ACOT6: variants seen among roughly 807,000 people sequenced by gnomAD.
ACOT6 encodes the protein acyl-coenzyme A thioesterase 6.
Under a neutral mutation model 12.3 loss-of-function variants are expected in ACOT6, and 14 were observed. The observed-to-expected ratio is 1.14, with a 90% confidence interval of 0.75 to 1.78. The LOEUF (loss-of-function observed/expected upper bound fraction) is 1.78, where lower values mean the gene tolerates loss of function less well. Ranked by LOEUF, ACOT6 falls within the 40% of genes most tolerant of loss-of-function variation. The pLI is 0.00. For synonymous variants in ACOT6, 218 were observed against 231.3 expected (o/e 0.94, Z 0.52); for missense variants, 523 against 551.8 (o/e 0.95, Z 0.52).
upstream of ACOT6, chr14:73,611,431 G>A (rs1446761403): frequency 2.6e-5 from 4 of 152,174 alleles, no homozygotes; most frequent in East Asian, 7.7e-4. Context: ...GTTCTACACC[G>A]AATCTTGTTT....
At chr14:73,611,607 A>C (rs1337313374), upstream of ACOT6, 1 of 152,230 alleles carries the variant, frequency 6.6e-6, no homozygotes, top group Admixed American at 6.5e-5. Flanking sequence ...GGTAAGAAAC[A>C]AAACAAAACT....
chr14:73,611,309 G>A (rs1324292516), upstream of ACOT6, among the ~76,000 whole-genome samples: 1 of 152,158 alleles, frequency 6.6e-6, no homozygotes, highest in Non-Finnish European at 1.5e-5. Flanking sequence ...AAAACAAGAG[G>A]AGAGTCAAGG....
rs1042263583 is a variant in ACOT6, at chr14:73,612,562, C to A, written c.-10C>A. The A allele has an allele frequency of 1.2e-5, 16 of 1,372,648 alleles. No homozygotes were observed. The African/African-American group carries it at 2.4e-4, about 21-fold the overall frequency. 85.0% of individuals were successfully genotyped at this position (1,372,648 alleles called of 1,614,324 possible). A position where few individuals can be genotyped will look rare whatever the true frequency, so the allele number is the denominator to read the frequency against. Reference sequence around the variant, plus strand: ...CGGAGCTGGGTCGCCCCTGTTCTACCCAGATTGGGATGGCAGCGACGCTGA... The same window carrying A: ...CGGAGCTGGGTCGCCCCTGTTCTACACAGATTGGGATGGCAGCGACGCTGA... On this transcript the variant is annotated 5_prime_UTR_variant, in exon 1 of 3. Transcript: ENST00000645972.
At chr14:73,614,918 G>A (rs1478446743) in intron 1 of ACOT6, among the ~76,000 whole-genome samples, 1 of 151,298 alleles carries the variant, frequency 6.6e-6, no homozygotes, top group Non-Finnish European at 1.5e-5. Flanking sequence ...CCAACATGGT[G>A]AAACCCCGTC....
upstream of ACOT6, among the ~76,000 whole-genome samples, chr14:73,611,906 C>T (rs1017642228): frequency 2.6e-5 from 4 of 152,046 alleles, no homozygotes; most frequent in Non-Finnish European, 5.9e-5. Flanking sequence ...CAAGGGGTCA[C>T]CTGAGTACAA....
intron 1 of ACOT6, among the ~76,000 whole-genome samples, chr14:73,615,401 A>AC (rs1427927678): frequency 0.032 from 2,979 of 93,652 alleles, 154 homozygotes; most frequent in South Asian, 0.18. Flanking sequence ...AAAAAAAAAA[A>AC]AAAAAACAAA....
chr14:73,615,430 A>G (rs1595186114), intron 1 of ACOT6, among the ~76,000 whole-genome samples: 2 of 146,000 alleles, frequency 1.4e-5, no homozygotes, highest in African/African-American at 5.2e-5. Context: ...AAAACCAGCA[A>G]CAACGAAAAA....
intron 2 of ACOT6, 106 bp downstream of exon 2, chr14:73,617,298 G>T: frequency 6.8e-7 from 1 of 1,467,340 alleles, no homozygotes; most frequent in East Asian, 2.3e-5. Flanking sequence ...CATGCCAGGA[G>T]ATACCAAGTC....
Position 73,619,798 on chromosome 14 carries a change from C to T in ACOT6, c.1225C>T (p.His409Tyr), listed in dbSNP as rs1412015143. The change falls in exon 3 of 3, where the codon CAT becomes TAT. Residue 409 changes from histidine (H) to tyrosine (Y), a missense_variant. By Grantham distance (83) the His-to-Tyr change is moderately conservative. Around this residue, in one of 2 missense-constraint regions of ACOT6, gnomAD observed 219 missense variants for 277.0 expected, o/e 0.79. Coordinates refer to ENST00000645972, the MANE Select transcript of ACOT6 (RefSeq NM_001365788.1). ...WQQIQTFFHK[H>Y]LNGKKSVKHS... is the part of the protein sequence containing the mutation. ...GCAAATTCAAACTTTCTTCCATAAA[C>T]ATCTCAATGGTAAAAAATCTGTCAA... The T allele has an allele frequency of 3.1e-6, 5 of 1,610,470 alleles. No individual in the cohort carries two copies. Among genetic ancestry groups the T allele is most frequent in the East Asian group, 4.5e-5 (2 of 44,874 alleles).
chr14:73,618,527 T>C (rs1392635786), intron 2 of ACOT6, among the ~76,000 whole-genome samples: 1 of 147,668 alleles, frequency 6.8e-6, no homozygotes, highest in African/African-American at 2.7e-5. Context: ...CTCTCCCCTA[T>C]GTCACTTTCC....
chr14:73,611,041 T>G (rs1890438917), upstream of ACOT6: 1 of 152,242 alleles, frequency 6.6e-6, no homozygotes, highest in Non-Finnish European at 1.5e-5. Flanking sequence ...GCTGCCTATC[T>G]GTAAGTAATA....
chr14:73,615,687 C>T (rs916872576), intron 1 of ACOT6, among the ~76,000 whole-genome samples: 5 of 151,998 alleles, frequency 3.3e-5, no homozygotes, highest in African/African-American at 4.8e-5. Flanking sequence ...GAGCCGAGAT[C>T]GCACCATTGC....
chr14:73,615,735 AC>A (rs1380229545), intron 1 of ACOT6, among the ~76,000 whole-genome samples: 391 of 12,150 alleles, frequency 0.032, 3 homozygotes, highest in African/African-American at 0.15. Context: ...CCTTGTCTCA[AC>A]AAACAAACAA....
At position 73,619,511 on chromosome 14, in the gene ACOT6, A is replaced by T; in HGVS notation, c.938A>T (p.Lys313Met). ...HNHQSLVPLE[K>M]AQVPFLFIVG... ...CACCAAAGTCTTGTTCCATTGGAAA[A>T]GGCGCAGGTGCCCTTCTTGTTTATT... The change falls in exon 3 of 3, where the codon AAG (lysine) becomes ATG (methionine). Residue 313 changes from lysine (K) to methionine (M), a missense_variant. Coordinates refer to ENST00000645972, the MANE Select transcript of ACOT6 (RefSeq NM_001365788.1). The T allele has an allele frequency of 6.2e-7, 1 of 1,614,222 alleles. No individual in the cohort carries two copies. The highest frequency in any genetic ancestry group is 8.5e-7 in the Non-Finnish European group (1 of 1,180,028).
intron 1 of ACOT6, among the ~76,000 whole-genome samples, chr14:73,615,644 C>T (rs376348095): frequency 4.0e-4 from 61 of 151,722 alleles, no homozygotes; most frequent in Admixed American, 4.6e-4. Context: ...GCAGGAGAAT[C>T]GCTTGAACCC....
upstream of ACOT6, chr14:73,611,384 TCAGACTGCC>T (rs1454233706): frequency 1.3e-5 from 2 of 152,252 alleles, no homozygotes; most frequent in East Asian, 3.8e-4. Context: ...ACAACTCCTA[TCAGACTGCC>T]CCCTTCCCTT....
intron 1 of ACOT6, among the ~76,000 whole-genome samples, chr14:73,615,312 G>A (rs58268834): frequency 0.15 from 21,239 of 144,528 alleles, 2,102 homozygotes; most frequent in African/African-American, 0.28. Context: ...GCTTGAACCC[G>A]GCAGGTGGAG....
chr14:73,612,711 G>A lies in ACOT6; in HGVS notation c.140G>A (p.Arg47Gln), dbSNP rs1437756074. The change falls in exon 1 of 3, where the codon CGG (arginine) becomes CAG (glutamine). Residue 47 changes from arginine to glutamine, a missense_variant. Arg to Gln is a conservative substitution (Grantham distance 43). This residue lies in a region of ACOT6 where 304 missense variants were observed against 274.8 expected (regional missense o/e 1.11). Transcript: ENST00000645972. ...SLRDEEGALF[R>Q]AHARYRADAR... Reference sequence around the variant, plus strand: ...CGCGACGAAGAGGGCGCGCTCTTCCGGGCCCACGCGCGCTACCGTGCCGAC... The same window carrying A: ...CGCGACGAAGAGGGCGCGCTCTTCCAGGCCCACGCGCGCTACCGTGCCGAC... 2 of 1,383,986 alleles carry A rather than the reference G, an allele frequency of 1.4e-6. No individual in the cohort carries two copies. Among genetic ancestry groups the A allele is most frequent in the Admixed American group, 3.4e-5 (1 of 29,514 alleles). The allele number at this position is 1,383,986 out of a possible 1,614,324, so 85.7% of individuals were successfully genotyped here.
chr14:73,617,404 C>T (rs921030697), intron 2 of ACOT6, among the ~76,000 whole-genome samples: 3 of 152,152 alleles, frequency 2.0e-5, no homozygotes, highest in Admixed American at 6.6e-5. Context: ...TGCTTGACCC[C>T]AGGAGTTCAA....
Sources: gnomAD v4.1 joint callset for allele counts (sites outside exome capture counted in the v4.1 genomes callset) on GRCh38, gnomAD v4.1.1 for gene constraint, gnomAD v4.1.1 regional missense constraint, MANE v1.5 for transcripts, NCBI Gene and HGNC (gene_info 2026-07-23, HGNC 2026-07-21) for gene names.